Variants in AKR1D1 observed in about 807,000 individuals in gnomAD.
AKR1D1 encodes aldo-keto reductase family 1 member D1.
A neutral mutation model predicts 42.6 loss-of-function variants in AKR1D1; 32 were observed. The ratio of observed to expected loss-of-function variants is 0.75; its 90% CI spans 0.57 to 1.01. The LOEUF is 1.01. Among genes scored for constraint, AKR1D1 ranks in the 50% least tolerant of loss-of-function variants. The probability of loss-of-function intolerance (pLI) is 0.00; values close to 1 mark genes in which losing one functional copy is unlikely to be tolerated. For synonymous variants in AKR1D1, 123 were observed against 135.5 expected (o/e 0.91, Z 0.64); for missense variants, 364 against 402.2 (o/e 0.91, Z 0.81).
At chr7:138,112,565 T>C (rs1794555413) in intron 7 of AKR1D1, among the ~76,000 whole-genome samples, 1 of 152,136 alleles carries the variant, frequency 6.6e-6, no homozygotes, top group Admixed American at 6.5e-5. Flanking sequence ...CCTCTTAATG[T>C]GTGTAGTATT....
intron 1 of AKR1D1, among the ~76,000 whole-genome samples, chr7:138,079,368 G>A (rs141613986): frequency 3.7e-4 from 57 of 152,232 alleles, no homozygotes; most frequent in African/African-American, 1.2e-3. Context: ...TCTCCATTTT[G>A]TCCTACTTCC....
chr7:138,112,394 T>C (rs139976419), intron 7 of AKR1D1, among the ~76,000 whole-genome samples: 1 of 152,130 alleles, frequency 6.6e-6, no homozygotes, highest in East Asian at 1.9e-4. Context: ...CATGGAGGGA[T>C]AATTAAGTAA....
chr7:138,079,812 T>A (rs984834482), intron 1 of AKR1D1, among the ~76,000 whole-genome samples: 4 of 152,234 alleles, frequency 2.6e-5, no homozygotes, highest in Non-Finnish European at 4.4e-5. Context: ...AGTCACATCA[T>A]GTCCCATGGT....
In AKR1D1 at chr7:138,117,698, T is replaced by C. The variant is rs1157240213; in HGVS notation, c.*1036T>C. On this transcript the variant is annotated 3_prime_UTR_variant, in exon 9 of 9. Transcript: ENST00000242375. ...GATTATTAGAATTCAGCAATAGAGA[T>C]ATATCTATTTTCAATTCAACTACAG... The C allele has an allele frequency of 1.3e-5, 2 of 152,204 alleles. No homozygotes were observed. The highest frequency in any genetic ancestry group is 2.9e-5 in the Non-Finnish European group (2 of 68,036). 9.4% of individuals were successfully genotyped at this position (152,204 alleles called of 1,614,324 possible).
chr7:138,106,984 T>C (rs967168150), intron 6 of AKR1D1, among the ~76,000 whole-genome samples: 31 of 152,246 alleles, frequency 2.0e-4, no homozygotes, highest in Admixed American at 1.3e-3. Flanking sequence ...GGAGTTTCTA[T>C]GGCCATGTTT....
At chr7:138,107,191 C>T (rs186764354) in intron 6 of AKR1D1, 6 of 700,448 alleles carry the variant, frequency 8.6e-6, no homozygotes, top group Non-Finnish European at 5.3e-6. Flanking sequence ...ATTATTTACC[C>T]TCTGAAGGAG....
intron 4 of AKR1D1, among the ~76,000 whole-genome samples, chr7:138,102,394 C>T (rs1238313423): frequency 6.6e-6 from 1 of 151,938 alleles, no homozygotes; most frequent in Non-Finnish European, 1.5e-5. Context: ...ACTGAGACCC[C>T]GTCTCTACAA....
intron 5 of AKR1D1, among the ~76,000 whole-genome samples, chr7:138,105,712 C>T (rs1308192348): frequency 6.6e-6 from 1 of 152,116 alleles, no homozygotes; most frequent in Admixed American, 6.5e-5. Flanking sequence ...CATGGTGAAA[C>T]CCCGTCTGTA....
At chr7:138,112,423 A>G (rs1048727252) in intron 7 of AKR1D1, among the ~76,000 whole-genome samples, 1 of 152,224 alleles carries the variant, frequency 6.6e-6, no homozygotes, top group Non-Finnish European at 1.5e-5. Context: ...CCATCTACAC[A>G]ATGAATACCA....
chr7:138,081,347 T>G (rs1475769738), intron 1 of AKR1D1, among the ~76,000 whole-genome samples: 1 of 152,050 alleles, frequency 6.6e-6, no homozygotes, highest in Non-Finnish European at 1.5e-5. Flanking sequence ...CACCTTCCTC[T>G]TGATGCTGCA....
rs1221776910 is a variant in AKR1D1 at position 138,118,273 on chromosome 7, A to C, written c.*1611A>C. On this transcript the variant is annotated 3_prime_UTR_variant, in exon 9 of 9. Coordinates refer to ENST00000242375, the MANE Select transcript of AKR1D1 (RefSeq NM_005989.4). ...ACCTCTGGAAAATATTTTGTTCACA[A>C]GAAATAATAAAGTATAATGATTTGT... 6.6e-6 allele frequency among the ~76,000 whole-genome samples: 1 copy of C among 152,204 alleles called. No individual in the cohort carries two copies. Among genetic ancestry groups the C allele is most frequent in the African/African-American group, 2.4e-5 (1 of 41,466 alleles).
chr7:138,090,916 T>C (rs988050111), intron 2 of AKR1D1, among the ~76,000 whole-genome samples: 11 of 152,164 alleles, frequency 7.2e-5, no homozygotes, highest in Admixed American at 1.3e-4. Flanking sequence ...TGAAAGCAAA[T>C]CTAAATCTAT....
rs751784818 is a variant in AKR1D1, at chr7:138,088,741, G to A, written c.234G>A (p.Arg78=). ...AGAAGATAGCAGAAGGAAAGGTGCG[G>A]AGGGAAGATATCTTCTACTGTGGAA... ...IREKIAEGKV[R]REDIFYCGKL... is the part of the protein sequence containing the mutation. The change falls in exon 2 of 9, where the codon CGG becomes CGA. Residue 78 remains arginine, a synonymous_variant. Coordinates refer to ENST00000242375, the MANE Select transcript of AKR1D1 (RefSeq NM_005989.4). The A allele has an allele frequency of 1.2e-5, 20 of 1,607,946 alleles. No homozygotes were observed. The highest frequency in any genetic ancestry group is 2.7e-5 in the African/African-American group (2 of 74,836).
intron 1 of AKR1D1, among the ~76,000 whole-genome samples, chr7:138,078,461 C>T (rs1314713132): frequency 6.6e-6 from 1 of 152,162 alleles, no homozygotes; most frequent in Non-Finnish European, 1.5e-5. Context: ...ACTTCAATTG[C>T]ACACCTCCCT....
intron 2 of AKR1D1, among the ~76,000 whole-genome samples, chr7:138,089,683 C>T (rs999048521): frequency 2.6e-5 from 4 of 152,136 alleles, no homozygotes; most frequent in Admixed American, 6.5e-5. Context: ...AATATTTATA[C>T]GTATACAATG....
intron 4 of AKR1D1, 147 bp from the exon 5 acceptor site, chr7:138,105,160 A>G: frequency 9.4e-7 from 1 of 1,067,190 alleles, no homozygotes; most frequent in Non-Finnish European, 1.4e-6. Flanking sequence ...GCCTTTTCCC[A>G]CCATCCTTCT....
chr7:138,112,915 A>G (rs1794562210), intron 7 of AKR1D1, among the ~76,000 whole-genome samples: 1 of 152,044 alleles, frequency 6.6e-6, no homozygotes, highest in African/African-American at 2.4e-5. Context: ...AAAACAATGG[A>G]AATGTAATTA....
intron 4 of AKR1D1, among the ~76,000 whole-genome samples, chr7:138,100,215 GA>G (rs889786231): frequency 7.0e-5 from 10 of 143,086 alleles, no homozygotes; most frequent in East Asian, 2.1e-4. Flanking sequence ...AGACAAAGCA[GA>G]AAAAAAAAGA....
At chr7:138,100,506 A>C (rs1321709786) in intron 4 of AKR1D1, among the ~76,000 whole-genome samples, 1 of 152,152 alleles carries the variant, frequency 6.6e-6, no homozygotes, top group African/African-American at 2.4e-5. Context: ...ATAAAGCTGC[A>C]GTCGCTATTT....
Sources: allele counts gnomAD v4.1 joint callset (sites outside exome capture counted in the v4.1 genomes callset), GRCh38; gene constraint gnomAD v4.1.1; transcripts MANE v1.5; gene names NCBI Gene and HGNC (gene_info 2026-07-23, HGNC 2026-07-21).